Variants in RASSF1 observed in about 807,000 individuals in gnomAD.
RASSF1 encodes Ras association domain family member 1, also known as ras association domain-containing protein 1.
Under a neutral mutation model 34.3 loss-of-function variants are expected in RASSF1, and 33 were observed. The observed-to-expected ratio is 0.96, with a 90% CI of 0.73 to 1.29. RASSF1 has a LOEUF of 1.29. RASSF1 is among the 50% of genes most tolerant of loss of function. The pLI, the probability that RASSF1 is intolerant of heterozygous loss-of-function variation, is 0.00. For missense variants in RASSF1, 445 were observed against 471.8 expected, an observed-to-expected ratio of 0.94 and a Z score of 0.53; for synonymous variants, 191 against 195.0, an observed-to-expected ratio of 0.98 and a Z score of 0.17.
chr3:50,331,331 C>T lies in RASSF1; in HGVS notation c.876+3G>A. 1 of 1,566,872 alleles carries T rather than the reference C, an allele frequency of 6.4e-7. No individual in the cohort carries two copies. The highest frequency in any genetic ancestry group is 1.1e-5 in the South Asian group (1 of 87,256). ...ACCAAGAAACTAAGAACTATGTACT[C>T]ACGTTCACCTCCCCAGAGTCATTTT... is the stretch of plus-strand genomic sequence containing the variant. On this transcript the variant is annotated splice_donor_region_variant and intron_variant, in intron 5 of 5. Coordinates refer to ENST00000359365, the MANE Select transcript of RASSF1 (RefSeq NM_007182.5).
chr3:50,338,263 CT>C, intron 1 of RASSF1: 2 of 1,230,724 alleles, frequency 1.6e-6, no homozygotes, highest in Non-Finnish European at 2.0e-6. Context: ...AGAACTTCCC[CT>C]TTCCTCATTG....
rs199945613 is a variant in RASSF1 at position 50,330,689 on chromosome 3, T to C, written c.915A>G (p.Leu305=). 2 of 1,613,910 alleles carry C rather than the reference T, an allele frequency of 1.2e-6. No homozygotes were observed. Among genetic ancestry groups the C allele is most frequent in the Non-Finnish European group, 1.7e-6 (2 of 1,179,938 alleles). Residue 305 remains leucine (L), a synonymous_variant, in exon 6 of 6, where the codon CTA becomes CTG. Transcript: ENST00000359365. This position sits in a 1 kb window ranked among gnomAD's most constrained non-coding sequence, Gnocchi z 4.5. ...AFSMPELHNF[L]RILQREEEEH... ...CCTCCTCCTCCCGCTGCAGGATACG[T>C]AGGAAGTTATGTAGTTCAGGCATGC...
At position 50,337,548 on chromosome 3, in the gene RASSF1, C is replaced by T. The variant is rs775571845; in HGVS notation, c.357+357G>A. 1.0e-5 allele frequency: 15 copies of T among 1,483,766 alleles called. No individual in the cohort carries two copies. The South Asian group carries it at 1.8e-4, about 18-fold the overall frequency. 91.9% of individuals were successfully genotyped at this position (1,483,766 alleles called of 1,614,324 possible). On this transcript the variant is annotated intron_variant, in intron 2 of 5. Transcript: ENST00000359365. ...CGCCCCCAGGAATGACCTCATCGCTCCGGAGCTCCACTCACAGACCCCACC... is the reference window on the plus strand; with the variant it reads ...CGCCCCCAGGAATGACCTCATCGCTTCGGAGCTCCACTCACAGACCCCACC...
At chr3:50,336,568 C>G (rs1386061840) in intron 2 of RASSF1, 2 of 152,484 alleles carry the variant, frequency 1.3e-5, no homozygotes, top group African/African-American at 2.4e-5. Flanking sequence ...TGGTCCAAAA[C>G]AAGACTTCTT....
intron 2 of RASSF1, among the ~76,000 whole-genome samples, chr3:50,333,028 A>T (rs762549438): frequency 5.3e-5 from 8 of 152,044 alleles, no homozygotes; most frequent in Middle Eastern, 3.4e-3. Flanking sequence ...CGGGAGGTGG[A>T]GGTTGCAGTG....
At chr3:50,339,360 CTTTTTTTT>C (rs1017192174) in intron 1 of RASSF1, among the ~76,000 whole-genome samples, 4 of 104,452 alleles carry the variant, frequency 3.8e-5, no homozygotes, top group African/African-American at 1.4e-4. Flanking sequence ...CAGCCTTGTT[CTTTTTTTT>C]TTTTTTTTTT....
chr3:50,332,822 C>T (rs1240912753), intron 2 of RASSF1, among the ~76,000 whole-genome samples: 2 of 151,886 alleles, frequency 1.3e-5, no homozygotes, highest in Non-Finnish European at 2.9e-5. Flanking sequence ...AGGCTGGGCA[C>T]GTTGGCTCAC....
chr3:50,332,085 T>C lies in RASSF1; in HGVS notation c.427A>G (p.Asn143Asp). ...AEIEQKIKEY[N>D]AQINSNLFMS... Reference sequence around the variant, plus strand: ...AAGAGGTTGCTGTTGATCTGGGCATTGTACTCCTTGATCTTCTGCTCAATC... The same window carrying C: ...AAGAGGTTGCTGTTGATCTGGGCATCGTACTCCTTGATCTTCTGCTCAATC... The change falls in exon 3 of 6, where the codon AAT becomes GAT. Residue 143 changes from asparagine (N) to aspartate (D), a missense_variant. Asn to Asp is a conservative substitution (Grantham distance 23, BLOSUM62 1). Coordinates refer to ENST00000359365, the MANE Select transcript of RASSF1 (RefSeq NM_007182.5). 1 of 1,614,188 alleles carries C rather than the reference T, an allele frequency of 6.2e-7. No individual in the cohort carries two copies. The highest frequency in any genetic ancestry group is 8.5e-7 in the Non-Finnish European group (1 of 1,180,032).
chr3:50,338,130 C>G, intron 1 of RASSF1, 119 bp from the exon 2 acceptor site: 1 of 1,483,640 alleles, frequency 6.7e-7, no homozygotes, highest in Non-Finnish European at 9.0e-7. Context: ...CCCGACCTAT[C>G]TCAGTGGGTT....
At chr3:50,333,162 T>TG (rs918521790) in intron 2 of RASSF1, among the ~76,000 whole-genome samples, 11 of 151,654 alleles carry the variant, frequency 7.3e-5, no homozygotes, top group Admixed American at 6.6e-5. Context: ...CTAGTTGAGT[T>TG]GGAGTGAGGG....
Position 50,338,311 on chromosome 3 carries a change from C to G in RASSF1, c.251-300G>C, listed in dbSNP as rs116282211. On this transcript the variant is annotated intron_variant, in intron 1 of 5. Coordinates refer to ENST00000359365, the MANE Select transcript of RASSF1 (RefSeq NM_007182.5). ...AACAACAACAAAAAACTGCGTCTTGCTTTTGTCACCCAGGCTGGAGTGCAA... is the reference window on the plus strand; with the variant it reads ...AACAACAACAAAAAACTGCGTCTTGGTTTTGTCACCCAGGCTGGAGTGCAA... 1.7e-3 allele frequency: 1,499 copies of G among 894,814 alleles called. 10 individuals carry two copies. The African/African-American group carries it at 0.024, about 14-fold the overall frequency. The allele number at this position is 894,814 out of a possible 1,614,324, so 55.4% of individuals were successfully genotyped here.
intron 2 of RASSF1, among the ~76,000 whole-genome samples, chr3:50,333,386 G>A (rs940801610): frequency 6.6e-6 from 1 of 152,188 alleles, no homozygotes; most frequent in Non-Finnish European, 1.5e-5. Context: ...ATAAAAGGCA[G>A]CTTTAGGCCA....
At chr3:50,331,053 G>C (rs1157464168) in intron 5 of RASSF1, among the ~76,000 whole-genome samples, 1 of 152,182 alleles carries the variant, frequency 6.6e-6, no homozygotes, top group Non-Finnish European at 1.5e-5. Flanking sequence ...AGTCTGAAGG[G>C]GGCCTCCTCA....
In RASSF1 at chr3:50,331,804, C is replaced by G. The variant is rs754918686; in HGVS notation, c.515G>C (p.Arg172Pro). 1 of 1,595,362 alleles carries G rather than the reference C, an allele frequency of 6.3e-7. No homozygotes were observed. The highest frequency in any genetic ancestry group is 2.3e-5 in the East Asian group (1 of 44,432). ...CTTGCTGGAGGGCACAGAGACAGGGCGCACCAGCTTCAGCTGAACCTTGAT... is the reference window on the plus strand; with the variant it reads ...CTTGCTGGAGGGCACAGAGACAGGGGGCACCAGCTTCAGCTGAACCTTGAT... Reference protein sequence around the residue: ...GFIKVQLKLVRPVSVPSSKKP... With the variant: ...GFIKVQLKLVPPVSVPSSKKP... Residue 172 changes from arginine (R) to proline (P), a missense_variant, in exon 4 of 6, where the codon CGC (arginine) becomes CCC (proline). Arg to Pro is a moderately radical substitution (Grantham distance 103). Transcript: ENST00000359365.
rs1349646838 is a variant in RASSF1, at chr3:50,337,931, G to A, written c.331C>T (p.Pro111Ser). ...CCGPRDLGWE[P>S]AVERDTNVDE... ...ACGTTCGTGTCCCGCTCCACCGCGG[G>A]TTCCCAGCCCAGGTCCCGGGGCCCG... The change falls in exon 2 of 6, where the codon CCC becomes TCC. Residue 111 changes from proline (P) to serine (S), a missense_variant. Pro to Ser is a moderately conservative substitution (Grantham distance 74). Coordinates refer to ENST00000359365, the MANE Select transcript of RASSF1 (RefSeq NM_007182.5). The A allele has an allele frequency of 6.2e-7, 1 of 1,612,168 alleles. No homozygotes were observed. Among genetic ancestry groups the A allele is most frequent in the East Asian group, 2.2e-5 (1 of 44,860 alleles).
intron 2 of RASSF1, chr3:50,337,105 C>A (rs1386971066): frequency 7.4e-6 from 11 of 1,477,962 alleles, no homozygotes; most frequent in Middle Eastern, 2.4e-4. Context: ...GACGCGGCAA[C>A]GGACCGGGGA....
chr3:50,340,715 C>T lies in RASSF1; in HGVS notation c.91G>A (p.Ala31Thr), dbSNP rs587717253. 9 of 1,524,922 alleles carry T rather than the reference C, an allele frequency of 5.9e-6. No homozygotes were observed. The African/African-American group carries it at 1.3e-4, about 22-fold the overall frequency. The allele number at this position is 1,524,922 out of a possible 1,614,324, so 94.5% of individuals were successfully genotyped here. ...KGRTRLERAN[A>T]LRIARGTACN... ...GCGGTGCCCCGCGCGATGCGCAGCG[C>T]GTTGGCACGCTCCAGCCGGGTGCGG... The change falls in exon 1 of 6, where the codon GCG (alanine) becomes ACG (threonine). Residue 31 changes from alanine (A) to threonine (T), a missense_variant. Transcript: ENST00000359365.
chr3:50,331,571 G>C lies in RASSF1; in HGVS notation c.748C>G (p.Arg250Gly). 1 of 1,591,802 alleles carries C rather than the reference G, an allele frequency of 6.3e-7. No individual in the cohort carries two copies. The highest frequency in any genetic ancestry group is 8.6e-7 in the Non-Finnish European group (1 of 1,162,372). ...GTGGGAAGCCCACCTTGGCCGTGAC[G>C]CTCAGCGCGCTCAAAGAGTGCAAAC... ...RKFALFERAERHGQVYLRKLL... is the reference protein window; with the variant it reads ...RKFALFERAEGHGQVYLRKLL... The change falls in exon 4 of 6, where the codon CGT becomes GGT. Residue 250 changes from arginine to glycine, a missense_variant. By Grantham distance (125) the Arg-to-Gly change is moderately radical. Transcript: ENST00000359365.
At position 50,331,836 on chromosome 3, in the gene RASSF1, T is replaced by C. The variant is rs371587919; in HGVS notation, c.483A>G (p.Thr161=). 121 of 1,577,296 alleles carry C rather than the reference T, an allele frequency of 7.7e-5. No homozygotes were observed. In the East Asian group the frequency reaches 1.8e-3, roughly 24 times the overall value. The change falls in exon 4 of 6, where the codon ACA becomes ACG. Residue 161 remains threonine, a synonymous_variant. Coordinates refer to ENST00000359365, the MANE Select transcript of RASSF1 (RefSeq NM_007182.5). The part of the protein sequence containing the change: ...FMSLNKDGSY[T]GFIKVQLKLV... The stretch of plus-strand genomic sequence containing the variant: ...GCTTCAGCTGAACCTTGATGAAGCC[T>C]GTGTAAGAACCGTCCTTGTTCTAAA...
Sources: allele counts gnomAD v4.1 joint callset (sites outside exome capture counted in the v4.1 genomes callset), GRCh38; gene constraint gnomAD v4.1.1; non-coding constraint Gnocchi (gnomAD v3.1); transcripts MANE v1.5; gene names NCBI Gene and HGNC (gene_info 2026-07-23, HGNC 2026-07-21).